Variants in REXO5 observed in about 807,000 individuals in gnomAD.
REXO5 encodes the protein exonuclease NEF-sp.
Under a neutral mutation model 88.5 loss-of-function variants are expected in REXO5, and 48 were observed. The observed-to-expected ratio is 0.54, with a 90% CI of 0.43 to 0.69. The LOEUF is 0.69. Among genes scored for constraint, REXO5 ranks in the 30% least tolerant of loss-of-function variants. REXO5 has a pLI of 0.00. For synonymous variants in REXO5, 311 were observed against 336.5 expected (o/e 0.92, Z 0.83); for missense variants, 749 against 912.2 (o/e 0.82, Z 2.30).
At chr16:20,807,781 T>C (rs925424466) in intron 2 of REXO5, among the ~76,000 whole-genome samples, 16 of 151,188 alleles carry the variant, frequency 1.1e-4, no homozygotes, top group African/African-American at 3.9e-4. Flanking sequence ...AAACTGCCTG[T>C]ACATAATAGG....
Position 20,846,355 on chromosome 16 carries a change from G to C in REXO5, c.2243+16G>C. ...GAACCAAGAGGTAAGGACTAGAAAG[G>C]GTATCCCTTCAGGACTCTGTCCCCT... On this transcript the variant is annotated intron_variant, in intron 19 of 19. Transcript: ENST00000261377. 6.3e-7 allele frequency: 1 copy of C among 1,591,086 alleles called. No homozygotes were observed. The highest frequency in any genetic ancestry group is 1.1e-5 in the South Asian group (1 of 90,534).
At chr16:20,818,873 G>A (rs1596575233) in intron 5 of REXO5, among the ~76,000 whole-genome samples, 1 of 152,308 alleles carries the variant, frequency 6.6e-6, no homozygotes, top group Non-Finnish European at 1.5e-5. Flanking sequence ...ACACAGATCA[G>A]CCAATCACCT....
In REXO5 at chr16:20,827,402, A is replaced by T. The variant is rs1347441867; in HGVS notation, c.1010A>T (p.Gln337Leu). The T allele has an allele frequency of 1.2e-6, 2 of 1,613,684 alleles. No individual in the cohort carries two copies. Among genetic ancestry groups the T allele is most frequent in the South Asian group, 1.1e-5 (1 of 91,050 alleles). The change falls in exon 10 of 20, where the codon CAG becomes CTG. Residue 337 changes from glutamine to leucine, a missense_variant. Physicochemically the swap from Gln to Leu is moderately radical, Grantham distance 113. Transcript: ENST00000261377. ...IDTSLLYVRE[Q>L]GRRFKLKFLA... ...ACATCGTTGCTTTATGTCAGAGAGCAGGGCAGAAGATTTAAGCTCAAGTTC... is the reference window on the plus strand; with the variant it reads ...ACATCGTTGCTTTATGTCAGAGAGCTGGGCAGAAGATTTAAGCTCAAGTTC...
At chr16:20,843,909 T>G (rs1230393628) in intron 15 of REXO5, 25 bp from the exon 16 acceptor site, 4 of 1,521,234 alleles carry the variant, frequency 2.6e-6, no homozygotes, top group South Asian at 1.1e-5. Flanking sequence ...AAAGCAATGA[T>G]GAGGAAATCT....
At chr16:20,832,301 T>G (rs1055410668) in intron 12 of REXO5, 42 bp downstream of exon 12, 1 of 1,274,156 alleles carries the variant, frequency 7.8e-7, no homozygotes, top group African/African-American at 1.5e-5. Context: ...ACAAATGGAG[T>G]ATCTAGTTTC....
intron 13 of REXO5, among the ~76,000 whole-genome samples, chr16:20,838,672 G>A (rs2081476495): frequency 6.6e-6 from 1 of 152,090 alleles, no homozygotes; most frequent in African/African-American, 2.4e-5. Flanking sequence ...TCTTACTGCA[G>A]CTCTAACATG....
chr16:20,839,463 C>A (rs1414430059), intron 13 of REXO5, among the ~76,000 whole-genome samples: 2 of 151,918 alleles, frequency 1.3e-5, no homozygotes, highest in Non-Finnish European at 2.9e-5. Context: ...GGGAGTTACA[C>A]TTATTTATTT....
At chr16:20,810,228 A>G (rs907451725) in intron 2 of REXO5, among the ~76,000 whole-genome samples, 8 of 152,226 alleles carry the variant, frequency 5.3e-5, no homozygotes, top group African/African-American at 1.9e-4. Flanking sequence ...ACTTAAAATA[A>G]GATTACGTCC....
Position 20,849,464 on chromosome 16 carries a change from C to G in REXO5, c.2309C>G (p.Pro770Arg), listed in dbSNP as rs776094899. The G allele has an allele frequency of 6.2e-7, 1 of 1,614,052 alleles. No individual in the cohort carries two copies. The highest frequency in any genetic ancestry group is 1.1e-5 in the South Asian group (1 of 91,084). Residue 770 changes from proline (P) to arginine (R), a missense_variant, in exon 20 of 20, where the codon CCA (proline) becomes CGA (arginine). By Grantham distance (103) the Pro-to-Arg change is moderately radical. Coordinates refer to ENST00000261377, the MANE Select transcript of REXO5 (RefSeq NM_030941.3). ...GIKEEEESAG[P>R]GLCS Reference sequence around the variant, plus strand: ...AAAGAGGAAGAAGAAAGCGCTGGCCCAGGCCTGTGTTCGTGAGTCGGCCTG... The same window carrying G: ...AAAGAGGAAGAAGAAAGCGCTGGCCGAGGCCTGTGTTCGTGAGTCGGCCTG...
At chr16:20,832,941 G>C in intron 12 of REXO5, 62 bp from the exon 13 acceptor site, 1 of 1,509,224 alleles carries the variant, frequency 6.6e-7, no homozygotes, top group Non-Finnish European at 9.1e-7. Flanking sequence ...CAAGTATAGA[G>C]AAATAACTGT....
rs375381263 is a variant in REXO5 at position 20,827,490 on chromosome 16, A to G, written c.1055+43A>G. 3.0e-5 allele frequency: 43 copies of G among 1,424,322 alleles called. No individual in the cohort carries two copies. The African/African-American group carries it at 5.8e-4, about 19-fold the overall frequency. The allele number at this position is 1,424,322 out of a possible 1,614,324, so 88.2% of individuals were successfully genotyped here. On this transcript the variant is annotated intron_variant, in intron 10 of 19. Coordinates refer to ENST00000261377, the MANE Select transcript of REXO5 (RefSeq NM_030941.3). ...CTGTAATATTGTTCTGACAAACTGCATACAAGTTAGCATGTAGTATCTAAT... is the reference window on the plus strand; with the variant it reads ...CTGTAATATTGTTCTGACAAACTGCGTACAAGTTAGCATGTAGTATCTAAT...
In REXO5 at chr16:20,849,387, T is replaced by G; in HGVS notation, c.2244-12T>G. 1 of 1,610,302 alleles carries G rather than the reference T, an allele frequency of 6.2e-7. No individual in the cohort carries two copies. Among genetic ancestry groups the G allele is most frequent in the Non-Finnish European group, 8.5e-7 (1 of 1,176,698 alleles). The stretch of plus-strand genomic sequence containing the variant: ...TGGATAAAAACATACCTTTGTTTCT[T>G]ATTTATTGCAGCACTCATGGTTCAC... On this transcript the variant is annotated splice_polypyrimidine_tract_variant and intron_variant, in intron 19 of 19. Transcript: ENST00000261377.
chr16:20,824,482 T>C lies in REXO5; in HGVS notation c.660T>C (p.Gly220=). ...ACTTTTTACTTACCAAATGTAATGG[T>C]TCTATAGCAGACAATAGTCCTCTCT... ...CENFLLTKCN[G]SIADNSPLFG... Residue 220 remains glycine, a synonymous_variant, in exon 7 of 20, where the codon GGT becomes GGC. Coordinates refer to ENST00000261377, the MANE Select transcript of REXO5 (RefSeq NM_030941.3). 6.2e-7 allele frequency: 1 copy of C among 1,611,924 alleles called. No individual in the cohort carries two copies. Among genetic ancestry groups the C allele is most frequent in the Non-Finnish European group, 8.5e-7 (1 of 1,178,406 alleles).
chr16:20,821,515 C>T (rs781180681), intron 5 of REXO5, among the ~76,000 whole-genome samples: 1 of 152,094 alleles, frequency 6.6e-6, no homozygotes, highest in African/African-American at 2.4e-5. Context: ...TGGATGGTCT[C>T]GATCTCCTGA....
At chr16:20,818,951 C>T (rs1192628081) in intron 5 of REXO5, among the ~76,000 whole-genome samples, 1 of 152,330 alleles carries the variant, frequency 6.6e-6, no homozygotes, top group East Asian at 1.9e-4. Context: ...CCTCTGACAA[C>T]CCCAAATGTG....
Position 20,844,783 on chromosome 16 carries a change from T to C in REXO5, c.1874T>C (p.Leu625Pro). 1 of 1,614,172 alleles carries C rather than the reference T, an allele frequency of 6.2e-7. No homozygotes were observed. The highest frequency in any genetic ancestry group is 8.5e-7 in the Non-Finnish European group (1 of 1,180,016). Residue 625 changes from leucine to proline, a missense_variant, in exon 17 of 20, where the codon CTG (leucine) becomes CCG (proline). Physicochemically the swap from Leu to Pro is moderately conservative, Grantham distance 98 (BLOSUM62 -3). Transcript: ENST00000261377. ...LLQEPRLFLG[L>P]EAVILPKDLK... ...CAGGAGCCCCGCCTCTTTCTTGGCCTGGAAGCTGTGATCTTGCCTAAAGAT... is the reference window on the plus strand; with the variant it reads ...CAGGAGCCCCGCCTCTTTCTTGGCCCGGAAGCTGTGATCTTGCCTAAAGAT...
intron 5 of REXO5, among the ~76,000 whole-genome samples, chr16:20,819,464 T>G (rs1240740887): frequency 6.7e-6 from 1 of 149,236 alleles, no homozygotes; most frequent in African/African-American, 2.5e-5. Context: ...TTTTTTTTTT[T>G]TTAAATTTAG....
In REXO5 at chr16:20,816,163, T is replaced by C. The variant is rs138955888; in HGVS notation, c.426T>C (p.Val142=). The C allele has an allele frequency of 8.7e-6, 14 of 1,613,974 alleles. No individual in the cohort carries two copies. The African/African-American group carries it at 1.9e-4, about 22-fold the overall frequency. Residue 142 remains valine, a synonymous_variant, in exon 5 of 20, where the codon GTT becomes GTC. Coordinates refer to ENST00000261377, the MANE Select transcript of REXO5 (RefSeq NM_030941.3). ...PPSSDFLADV[V]GLQTEQRAGD... ...CATCTGATTTTCTAGCTGATGTTGTTGGGCTACAAACTGAACAAAGAGCTG... is the reference window on the plus strand; with the variant it reads ...CATCTGATTTTCTAGCTGATGTTGTCGGGCTACAAACTGAACAAAGAGCTG...
At chr16:20,848,281 T>G (rs1229891649) in intron 19 of REXO5, among the ~76,000 whole-genome samples, 3 of 152,178 alleles carry the variant, frequency 2.0e-5, no homozygotes, top group Non-Finnish European at 4.4e-5. Flanking sequence ...GAAGGTTTCC[T>G]TAGGCTGGGG....
Sources: allele counts gnomAD v4.1 joint callset (sites outside exome capture counted in the v4.1 genomes callset), GRCh38; gene constraint gnomAD v4.1.1; transcripts MANE v1.5; gene names NCBI Gene and HGNC (gene_info 2026-07-23, HGNC 2026-07-21).